Variants in SERGEF observed in about 807,000 individuals in gnomAD.
SERGEF encodes the protein secretion-regulating guanine nucleotide exchange factor.
Under a neutral mutation model 50.0 loss-of-function variants are expected in SERGEF, and 51 were observed. The ratio of observed to expected loss-of-function variants is 1.02; its 90% CI spans 0.81 to 1.29. The LOEUF is 1.29. Among genes scored for constraint, SERGEF ranks in the 50% most tolerant of loss-of-function variants. The probability of loss-of-function intolerance (pLI) is 0.00; values close to 1 mark genes in which losing one functional copy is unlikely to be tolerated. For missense variants in SERGEF, 521 were observed against 557.0 expected, an observed-to-expected ratio of 0.94 and a Z score of 0.65; for synonymous variants, 205 against 212.4, an observed-to-expected ratio of 0.97 and a Z score of 0.30.
intron 10 of SERGEF, among the ~76,000 whole-genome samples, chr11:17,876,879 C>T (rs757383353): frequency 9.2e-5 from 14 of 152,244 alleles, no homozygotes; most frequent in South Asian, 4.1e-4. Flanking sequence ...GAAGCAGTTC[C>T]GGTATAAAGT....
At position 18,006,682 on chromosome 11, in the gene SERGEF, C is replaced by G; in HGVS notation, c.261G>C (p.Glu87Asp). 1 of 1,614,142 alleles carries G rather than the reference C, an allele frequency of 6.2e-7. No homozygotes were observed. The highest frequency in any genetic ancestry group is 8.5e-7 in the Non-Finnish European group (1 of 1,180,018). The part of the protein sequence containing the change: ...KDGQLGLGHT[E>D]DIPYFTPCKS... ...TGCAGGGGGTAAAATATGGGATATC[C>G]TCTGTGTGACCAAGCCCCAGTTGCC... Residue 87 changes from glutamate to aspartate, a missense_variant, in exon 3 of 11, where the codon GAG (glutamate) becomes GAC (aspartate). Physicochemically the swap from Glu to Asp is conservative, Grantham distance 45. Transcript: ENST00000265965.
chr11:17,797,404 G>A (rs1849589239), intron 10 of SERGEF, among the ~76,000 whole-genome samples: 1 of 152,116 alleles, frequency 6.6e-6, no homozygotes, highest in African/African-American at 2.4e-5. Context: ...TATTGTTCCT[G>A]CTATCTGGAA....
chr11:17,937,722 C>CA (rs916494141), intron 9 of SERGEF, among the ~76,000 whole-genome samples: 2 of 151,648 alleles, frequency 1.3e-5, no homozygotes, highest in East Asian at 1.9e-4. Flanking sequence ...CAGAGGTAGA[C>CA]AAAAAAACAA....
intron 9 of SERGEF, among the ~76,000 whole-genome samples, chr11:17,908,641 A>G (rs1378686192): frequency 6.6e-6 from 1 of 152,216 alleles, no homozygotes; most frequent in Non-Finnish European, 1.5e-5. Flanking sequence ...ACAGTGCTTG[A>G]CATCAGTATT....
rs535145579 is a variant in SERGEF at position 17,920,018 on chromosome 11, C to T, written c.1011+39452G>A. ...ATCCCAACACTTTGGGAGGCCAAGG[C>T]GAGTGGATCAAAAGGTCAGGGAATC... On this transcript the variant is annotated intron_variant, in intron 9 of 10. Transcript: ENST00000265965. Among the ~76,000 whole-genome samples, 3 of 151,168 alleles carry T rather than the reference C, an allele frequency of 2.0e-5. No homozygotes were observed. In the South Asian group the frequency reaches 6.3e-4, roughly 32 times the overall value.
At chr11:17,967,049 A>G (rs1278058605) in intron 8 of SERGEF, among the ~76,000 whole-genome samples, 1 of 152,238 alleles carries the variant, frequency 6.6e-6, no homozygotes, top group African/African-American at 2.4e-5. Context: ...AATTGCTAAT[A>G]TTTTGAGGGC....
At position 18,013,035 on chromosome 11, in the gene SERGEF, C is replaced by G; in HGVS notation, c.-25G>C. The G allele has an allele frequency of 7.4e-7, 1 of 1,351,924 alleles. No individual in the cohort carries two copies. Among genetic ancestry groups the G allele is most frequent in the Non-Finnish European group, 9.4e-7 (1 of 1,062,100 alleles). The allele number at this position is 1,351,924 out of a possible 1,614,324, so 83.7% of individuals were successfully genotyped here. On this transcript the variant is annotated 5_prime_UTR_variant, in exon 1 of 11. Transcript: ENST00000265965. This position sits in a 1 kb window ranked among gnomAD's most constrained non-coding sequence, Gnocchi z 4.3. Reference sequence around the variant, plus strand: ...TGCGAGGACGCTCCGCCGGCGCTTCCGGGAGGGACGGCACGGGGGCGGCGC... The same window carrying G: ...TGCGAGGACGCTCCGCCGGCGCTTCGGGGAGGGACGGCACGGGGGCGGCGC...
intron 9 of SERGEF, among the ~76,000 whole-genome samples, chr11:17,959,112 G>A (rs772648979): frequency 5.3e-5 from 8 of 152,036 alleles, no homozygotes; most frequent in South Asian, 2.1e-4. Context: ...CAGGCAGTTC[G>A]CCCACCTCGG....
intron 10 of SERGEF, among the ~76,000 whole-genome samples, chr11:17,801,109 G>A (rs1013553721): frequency 1.1e-4 from 17 of 151,858 alleles, no homozygotes; most frequent in African/African-American, 3.6e-4. Context: ...GCAGGAGAAC[G>A]GCGTGAACCT....
chr11:17,984,896 C>G (rs1853563994), intron 8 of SERGEF, among the ~76,000 whole-genome samples: 1 of 152,172 alleles, frequency 6.6e-6, no homozygotes, highest in Non-Finnish European at 1.5e-5. Context: ...AGACACTGCT[C>G]TCATGTAATT....
intron 9 of SERGEF, among the ~76,000 whole-genome samples, chr11:17,916,702 G>A (rs1172943919): frequency 6.6e-6 from 1 of 152,212 alleles, no homozygotes; most frequent in South Asian, 2.1e-4. Context: ...TTTTGTTGCT[G>A]TGTAATAATT....
intron 10 of SERGEF, among the ~76,000 whole-genome samples, chr11:17,849,653 C>A (rs1483447175): frequency 2.6e-5 from 4 of 152,120 alleles, no homozygotes; most frequent in East Asian, 3.8e-4. Flanking sequence ...TGCTGAGGAC[C>A]TACTCTGACC....
chr11:17,931,026 A>G (rs182520994), intron 9 of SERGEF, among the ~76,000 whole-genome samples: 9 of 152,294 alleles, frequency 5.9e-5, no homozygotes, highest in Non-Finnish European at 1.2e-4. Context: ...TAGTCTCCCA[A>G]TTCAGCACTG....
chr11:17,842,047 T>G (rs888623129), intron 10 of SERGEF, among the ~76,000 whole-genome samples: 1 of 152,218 alleles, frequency 6.6e-6, no homozygotes, highest in African/African-American at 2.4e-5. Flanking sequence ...GCATTTATCC[T>G]AGTCTGTAAT....
intron 10 of SERGEF, among the ~76,000 whole-genome samples, chr11:17,833,240 C>T (rs1055079406): frequency 6.6e-6 from 1 of 152,162 alleles, no homozygotes; most frequent in Non-Finnish European, 1.5e-5. Context: ...AAGGGGCCAA[C>T]GTAGAGCTTG....
chr11:17,906,368 GTC>G (rs1480757728), intron 9 of SERGEF, among the ~76,000 whole-genome samples: 2 of 152,352 alleles, frequency 1.3e-5, no homozygotes, highest in East Asian at 1.9e-4. Flanking sequence ...GTCTAAACCA[GTC>G]TCTGTCTTTT....
At chr11:17,958,255 T>C (rs1234894836) in intron 9 of SERGEF, among the ~76,000 whole-genome samples, 2 of 152,128 alleles carry the variant, frequency 1.3e-5, no homozygotes, top group East Asian at 3.8e-4. Flanking sequence ...ATGAAGAGGG[T>C]TGTCATTAGT....
At chr11:17,817,109 C>T (rs1439402182) in intron 10 of SERGEF, among the ~76,000 whole-genome samples, 3 of 151,988 alleles carry the variant, frequency 2.0e-5, no homozygotes, top group Non-Finnish European at 4.4e-5. Context: ...CTGCTAGGGT[C>T]TATGAGAGGA....
intron 10 of SERGEF, among the ~76,000 whole-genome samples, chr11:17,837,694 TG>T (rs1360913411): frequency 6.7e-6 from 1 of 149,756 alleles, no homozygotes; most frequent in Non-Finnish European, 1.5e-5. Context: ...AGTCTTGCTC[TG>T]TCGCCCAAGC....
Sources: allele counts gnomAD v4.1 joint callset (sites outside exome capture counted in the v4.1 genomes callset), GRCh38; gene constraint gnomAD v4.1.1; non-coding constraint Gnocchi (gnomAD v3.1); transcripts MANE v1.5; gene names NCBI Gene and HGNC (gene_info 2026-07-23, HGNC 2026-07-21).